The following PCDHGA1 variants were observed in gnomAD, a reference collection of about 807,000 sequenced individuals.
The protein encoded by PCDHGA1 is protocadherin gamma-A1.
Under a neutral mutation model 58.0 loss-of-function variants are expected in PCDHGA1, and 32 were observed. That is an observed-to-expected ratio of 0.55 (90% CI 0.42 to 0.74). PCDHGA1 has a LOEUF of 0.74. Ranked by LOEUF, PCDHGA1 falls within the 30% of genes least tolerant of loss-of-function variation. The pLI is 0.00. For missense variants in PCDHGA1, 1,205 were observed against 1,182.3 expected, an observed-to-expected ratio of 1.02 and a Z score of -0.28; for synonymous variants, 498 against 501.1, an observed-to-expected ratio of 0.99 and a Z score of 0.08.
At chr5:141,436,486 C>A (rs2097826645) in intron 1 of PCDHGA1, among the ~76,000 whole-genome samples, 1 of 152,152 alleles carries the variant, frequency 6.6e-6, no homozygotes. Flanking sequence ...AGAAGGATAG[C>A]AGCTTTGCAA....
intron 1 of PCDHGA1, chr5:141,357,715 G>C: frequency 6.9e-7 from 1 of 1,449,624 alleles, no homozygotes; most frequent in Non-Finnish European, 9.2e-7. Context: ...ATCAAATAAA[G>C]TTGCCTCTTT....
chr5:141,493,641 G>A lies in PCDHGA1; in HGVS notation c.2422-1166G>A, dbSNP rs547664603. Among the ~76,000 whole-genome samples, 2 of 152,240 alleles carry A rather than the reference G, an allele frequency of 1.3e-5. No individual in the cohort carries two copies. The highest frequency in any genetic ancestry group is 3.9e-4 in the East Asian group (2 of 5,172). On this transcript the variant is annotated intron_variant, in intron 1 of 3. Coordinates refer to ENST00000517417, the MANE Select transcript of PCDHGA1 (RefSeq NM_018912.3). The surrounding 1 kb of genome is among the most constrained non-coding windows in gnomAD (Gnocchi z 4.3). The stretch of plus-strand genomic sequence containing the variant: ...CTAAGAATACAGTGGCTGAGGGCTG[G>A]CCATCCCTGTGCCCTTCTCCATGGC...
chr5:141,487,890 G>C lies in PCDHGA1; in HGVS notation c.2422-6917G>C. 3 of 745,430 alleles carry C rather than the reference G, an allele frequency of 4.0e-6. No homozygotes were observed. Among genetic ancestry groups the C allele is most frequent in the Non-Finnish European group, 6.5e-6 (3 of 462,522 alleles). The allele number at this position is 745,430 out of a possible 1,614,324, so 46.2% of individuals were successfully genotyped here. A position where few individuals can be genotyped will look rare whatever the true frequency, so the allele number is the denominator to read the frequency against. On this transcript the variant is annotated intron_variant, in intron 1 of 3. Coordinates refer to ENST00000517417, the MANE Select transcript of PCDHGA1 (RefSeq NM_018912.3). This position sits in a 1 kb window ranked among gnomAD's most constrained non-coding sequence, Gnocchi z 5.0. ...AAGAGCCAGGCTGTTGTGGAAGCAT[G>C]ATGATGGAATGTGGGAGCACAGGAG...
chr5:141,384,372 G>C, intron 1 of PCDHGA1: 1 of 1,613,854 alleles, frequency 6.2e-7, no homozygotes, highest in South Asian at 1.1e-5. Context: ...CTTATTCCTT[G>C]GCCGAAGACA....
chr5:141,510,839 C>T (rs186647886), intron 3 of PCDHGA1, 108 bp from the exon 4 acceptor site: 36 of 1,586,990 alleles, frequency 2.3e-5, no homozygotes, highest in Non-Finnish European at 3.1e-5. Context: ...TCAGCGTGGT[C>T]AAGGCCCAGG....
intron 1 of PCDHGA1, 33 bp downstream of exon 1, chr5:141,333,138 A>G: frequency 2.5e-6 from 4 of 1,612,828 alleles, no homozygotes; most frequent in Non-Finnish European, 3.4e-6. Flanking sequence ...TCAGCTATCT[A>G]GAGAAAAATA....
chr5:141,341,454 T>C, intron 1 of PCDHGA1: 1 of 1,606,806 alleles, frequency 6.2e-7, no homozygotes, highest in Non-Finnish European at 8.5e-7. Context: ...TTCACTTACT[T>C]GTTTACTATA....
intron 1 of PCDHGA1, chr5:141,414,615 G>A: frequency 6.2e-7 from 1 of 1,613,962 alleles, no homozygotes; most frequent in Non-Finnish European, 8.5e-7. Context: ...CAGTGACAGC[G>A]CTGGACCCGG....
chr5:141,414,638 A>C lies in PCDHGA1; in HGVS notation c.2422-80169A>C, dbSNP rs539861509. The C allele has an allele frequency of 7.8e-5, 126 of 1,613,988 alleles. 1 individual carries two copies. In the South Asian group the frequency reaches 1.3e-3, roughly 17 times the overall value. ...GCGCTGGACCCGGACAGCAAAGAGA[A>C]TGCCCAGATTATTTACTCCCTGGCT... On this transcript the variant is annotated intron_variant, in intron 1 of 3. Coordinates refer to ENST00000517417, the MANE Select transcript of PCDHGA1 (RefSeq NM_018912.3).
In PCDHGA1 at chr5:141,357,058, G is replaced by A. The variant is rs1167854077; in HGVS notation, c.2421+23953G>A. 1 of 1,613,998 alleles carries A rather than the reference G, an allele frequency of 6.2e-7. No homozygotes were observed. The highest frequency in any genetic ancestry group is 1.7e-5 in the Admixed American group (1 of 60,028). On this transcript the variant is annotated intron_variant, in intron 1 of 3. Transcript: ENST00000517417. ...CAGCGAGCCGGGACTATTTGCAGTGGGGCTGCACACAGGCGAGGTGCGCAC... is the reference window on the plus strand; with the variant it reads ...CAGCGAGCCGGGACTATTTGCAGTGAGGCTGCACACAGGCGAGGTGCGCAC...
At chr5:141,399,111 A>C (rs1561667842) in intron 1 of PCDHGA1, 1 of 1,613,732 alleles carries the variant, frequency 6.2e-7, no homozygotes, top group Non-Finnish European at 8.5e-7. Context: ...CACAATGTAC[A>C]GTTGAAATTA....
intron 1 of PCDHGA1, chr5:141,400,422 TA>T: frequency 6.2e-7 from 1 of 1,614,054 alleles, no homozygotes; most frequent in Non-Finnish European, 8.5e-7. Context: ...TCCTAAAATG[TA>T]GTGAGCAATT....
At chr5:141,494,890 C>A (rs1483157263) in intron 2 of PCDHGA1, 25 bp downstream of exon 2, 1 of 1,614,120 alleles carries the variant, frequency 6.2e-7, no homozygotes. Context: ...CTCCAGCCCA[C>A]CCTCTTCTCT....
Position 141,399,994 on chromosome 5 carries a change from C to T in PCDHGA1, c.2421+66889C>T, listed in dbSNP as rs538358679. 27 of 1,612,262 alleles carry T rather than the reference C, an allele frequency of 1.7e-5. No individual in the cohort carries two copies. The East Asian group carries it at 1.8e-4, about 11-fold the overall frequency. On this transcript the variant is annotated intron_variant, in intron 1 of 3. Coordinates refer to ENST00000517417, the MANE Select transcript of PCDHGA1 (RefSeq NM_018912.3). ...CCTGGGGCTGCGCACAGGAGAGGTG[C>T]GCACAGCGCGTGCCTTGGGCGACAG...
chr5:141,393,115 GGT>G (rs1236382706), intron 1 of PCDHGA1: 1 of 1,613,438 alleles, frequency 6.2e-7, no homozygotes, highest in Non-Finnish European at 8.5e-7. Flanking sequence ...CAGAGCCCGC[GGT>G]GTCTGATAAA....
Position 141,342,842 on chromosome 5 carries a change from C to T in PCDHGA1, c.2421+9737C>T, listed in dbSNP as rs1757217273. 3.3e-5 allele frequency: 5 copies of T among 152,270 alleles called. No homozygotes were observed. In the South Asian group the frequency reaches 1.0e-3, roughly 32 times the overall value. The allele number at this position is 152,270 out of a possible 1,614,324, so 9.4% of individuals were successfully genotyped here. On this transcript the variant is annotated intron_variant, in intron 1 of 3. Transcript: ENST00000517417. Reference sequence around the variant, plus strand: ...GATTCTGGAACATAAAAGCTTATTTCTACTAGTTTCAGTTGGTTTTGAAAA... The same window carrying T: ...GATTCTGGAACATAAAAGCTTATTTTTACTAGTTTCAGTTGGTTTTGAAAA...
intron 1 of PCDHGA1, chr5:141,388,909 C>A: frequency 1.2e-6 from 2 of 1,613,902 alleles, no homozygotes; most frequent in South Asian, 1.1e-5. Context: ...AATGACAACG[C>A]CCCAGAAGTG....
intron 1 of PCDHGA1, chr5:141,352,314 A>G (rs1758977445): frequency 2.5e-6 from 4 of 1,613,920 alleles, no homozygotes; most frequent in Non-Finnish European, 3.4e-6. Flanking sequence ...ACGGAACTGC[A>G]GTTTTACCTG....
chr5:141,490,618 A>G lies in PCDHGA1; in HGVS notation c.2422-4189A>G, dbSNP rs1463273520. On this transcript the variant is annotated intron_variant, in intron 1 of 3. Transcript: ENST00000517417. The surrounding 1 kb of genome is among the most constrained non-coding windows in gnomAD (Gnocchi z 5.4). ...ACCCCGCTTCAACCAGCAGCTTTAC[A>G]CTGCTTACATCCTAGAAAACCGGCC... 4.3e-6 allele frequency: 7 copies of G among 1,613,986 alleles called. No homozygotes were observed. Among genetic ancestry groups the G allele is most frequent in the Admixed American group, 1.7e-5 (1 of 59,996 alleles).
Sources: gnomAD v4.1 joint callset for allele counts (sites outside exome capture counted in the v4.1 genomes callset) on GRCh38, gnomAD v4.1.1 for gene constraint, Gnocchi (gnomAD v3.1) non-coding constraint, MANE v1.5 for transcripts, NCBI Gene and HGNC (gene_info 2026-07-23, HGNC 2026-07-21) for gene names.